RDH13: variants seen among roughly 807,000 people sequenced by gnomAD.
RDH13 encodes retinol dehydrogenase 13 (all-trans and 9-cis).
In RDH13, 35 loss-of-function variants were observed where a neutral mutation model predicts 28.3. The observed-to-expected ratio is 1.24, with a 90% CI of 0.95 to 1.64. The LOEUF is 1.64. Among genes scored for constraint, RDH13 ranks in the 40% most tolerant of loss-of-function variants. The pLI, the probability that RDH13 is intolerant of heterozygous loss-of-function variation, is 0.00. For missense variants in RDH13, 514 were observed against 446.3 expected, an observed-to-expected ratio of 1.15 and a Z score of -1.37; for synonymous variants, 229 against 198.5, an observed-to-expected ratio of 1.15 and a Z score of -1.29.
At chr19:55,062,380 T>C (rs2075833434) in intron 1 of RDH13, among the ~76,000 whole-genome samples, 1 of 152,066 alleles carries the variant, frequency 6.6e-6, no homozygotes, top group South Asian at 2.1e-4. Flanking sequence ...GGCTAATTTT[T>C]AAGAAAGTTT....
At chr19:55,066,975 G>T (rs1166701753), upstream of RDH13, among the ~76,000 whole-genome samples, 2 of 152,142 alleles carry the variant, frequency 1.3e-5, no homozygotes, top group Non-Finnish European at 2.9e-5. Flanking sequence ...CTCCACCAAG[G>T]CCTGTGCAGA....
intron 2 of RDH13, among the ~76,000 whole-genome samples, chr19:55,058,403 A>G (rs2075705051): frequency 2.0e-5 from 3 of 151,600 alleles, no homozygotes; most frequent in Admixed American, 2.0e-4. Flanking sequence ...AAAAAAAAAC[A>G]ATAATAATAA....
At position 55,056,659 on chromosome 19, in the gene RDH13, T is replaced by A. The variant is rs369475253; in HGVS notation, c.334A>T (p.Ile112Phe). Residue 112 changes from isoleucine (I) to phenylalanine (F), a missense_variant, in exon 3 of 7, where the codon ATT (isoleucine) becomes TTT (phenylalanine). Ile to Phe is a conservative substitution (Grantham distance 21). Coordinates refer to ENST00000415061, the MANE Select transcript of RDH13 (RefSeq NM_001145971.2). ...ATGGCCAGCGTTCTCCTACCTTCAA[T>A]GATCTTTGCTGCAAACTCTCGGATA... ...KSIREFAAKI[I>F]EEEERVDILI... The A allele has an allele frequency of 6.2e-7, 1 of 1,613,864 alleles. No homozygotes were observed. Among genetic ancestry groups the A allele is most frequent in the East Asian group, 2.2e-5 (1 of 44,864 alleles).
At chr19:55,047,363 A>G (rs577460583) in intron 6 of RDH13, 24 bp downstream of exon 6, 1 of 1,606,580 alleles carries the variant, frequency 6.2e-7, no homozygotes, top group Admixed American at 1.7e-5. Flanking sequence ...CCACGTGGAG[A>G]CCCCAGGCTG....
chr19:55,047,250 C>G (rs1023647085), intron 6 of RDH13, 137 bp downstream of exon 6: 48 of 1,450,890 alleles, frequency 3.3e-5, no homozygotes, highest in Non-Finnish European at 4.1e-5. Context: ...GACCTGTGCT[C>G]TGTGCCTCAG....
Position 55,047,942 on chromosome 19 carries a change from T to C in RDH13, c.658+387A>G, listed in dbSNP as rs2075292439. 6 of 811,444 alleles carry C rather than the reference T, an allele frequency of 7.4e-6. No individual in the cohort carries two copies. In the East Asian group the frequency reaches 2.3e-4, roughly 31 times the overall value. 50.3% of individuals were successfully genotyped at this position (811,444 alleles called of 1,614,324 possible). ...AGGACATTGAGAGCATCTGGGCCTT[T>C]ACCCTCCAGATGCCCAGAGCAATCT... On this transcript the variant is annotated intron_variant, in intron 5 of 6. Transcript: ENST00000415061.
chr19:55,059,603 G>C (rs1364098847), intron 1 of RDH13, among the ~76,000 whole-genome samples: 1 of 151,528 alleles, frequency 6.6e-6, no homozygotes, highest in Non-Finnish European at 1.5e-5. Context: ...GGGCGGGGGC[G>C]GATCACTTGA....
chr19:55,041,558 TTC>T (rs2075030641), downstream of RDH13: 21 of 152,378 alleles, frequency 1.4e-4, no homozygotes, highest in African/African-American at 4.6e-4. Context: ...TCTTAGGGCC[TTC>T]TCTCTTATGG....
upstream of RDH13, among the ~76,000 whole-genome samples, chr19:55,065,188 C>T (rs189321978): frequency 2.6e-5 from 4 of 151,018 alleles, no homozygotes; most frequent in South Asian, 4.2e-4. Flanking sequence ...AGTTTGAGAG[C>T]GGCCTGGACA....
upstream of RDH13, among the ~76,000 whole-genome samples, chr19:55,065,575 AAAT>A (rs2075945800): frequency 6.6e-6 from 1 of 151,620 alleles, no homozygotes; most frequent in Admixed American, 6.7e-5. Context: ...GCCAGATAGT[AAAT>A]AATTTCAGCT....
intron 2 of RDH13, among the ~76,000 whole-genome samples, chr19:55,057,815 T>TA (rs199686312): frequency 0.037 from 4,696 of 125,726 alleles, 83 homozygotes; most frequent in South Asian, 0.05. Context: ...TTATTATTAT[T>TA]TTTTTTTTTT....
downstream of RDH13, chr19:55,043,075 A>G (rs1157518541): frequency 6.6e-6 from 1 of 152,266 alleles, no homozygotes; most frequent in East Asian, 1.9e-4. Flanking sequence ...GGTCATCCCA[A>G]ACACACCCTC....
At position 55,048,729 on chromosome 19, in the gene RDH13, C is replaced by T. The variant is rs776669232; in HGVS notation, c.375G>A (p.Ala125=). 12 of 1,613,956 alleles carry T rather than the reference C, an allele frequency of 7.4e-6. No homozygotes were observed. Among genetic ancestry groups the T allele is most frequent in the South Asian group, 5.5e-5 (5 of 91,060 alleles). Residue 125 remains alanine (A), a synonymous_variant, in exon 4 of 7, where the codon GCG becomes GCA. Coordinates refer to ENST00000415061, the MANE Select transcript of RDH13 (RefSeq NM_001145971.2). ...TCCAGTGGGGGCACCGCATCACACC[C>T]GCGTTGTTGATTAGAATGTCCACTC... ...EERVDILINN[A]GVMRCPHWTT...
intron 2 of RDH13, among the ~76,000 whole-genome samples, chr19:55,057,860 G>A (rs546534056): frequency 6.7e-6 from 1 of 148,258 alleles, no homozygotes; most frequent in African/African-American, 2.5e-5. Flanking sequence ...CGGCTGGAGT[G>A]CTGGCGCCAT....
intron 3 of RDH13, among the ~76,000 whole-genome samples, chr19:55,048,972 C>G (rs1229238914): frequency 1.3e-5 from 2 of 152,074 alleles, no homozygotes; most frequent in Non-Finnish European, 2.9e-5. Context: ...AAAACAGAGA[C>G]AGAGACACAT....
upstream of RDH13, among the ~76,000 whole-genome samples, chr19:55,065,993 C>A (rs921173708): frequency 1.6e-4 from 24 of 152,212 alleles, no homozygotes; most frequent in African/African-American, 5.5e-4. Context: ...GCTGGGATTA[C>A]AAAGCGTGAG....
intron 2 of RDH13, among the ~76,000 whole-genome samples, chr19:55,057,294 A>C (rs1255345107): frequency 6.6e-6 from 1 of 152,150 alleles, no homozygotes; most frequent in Non-Finnish European, 1.5e-5. Flanking sequence ...CTAGGGTAAC[A>C]GATGTTCTAA....
intron 5 of RDH13, chr19:55,047,926 A>C (rs1025393818): frequency 3.1e-6 from 2 of 642,956 alleles, no homozygotes; most frequent in African/African-American, 1.8e-5. Context: ...TAGGACATTG[A>C]GAGCATCTGG....
chr19:55,061,902 T>C (rs1337723484), intron 1 of RDH13, among the ~76,000 whole-genome samples: 1 of 151,880 alleles, frequency 6.6e-6, no homozygotes, highest in Non-Finnish European at 1.5e-5. Context: ...CAGATCCCCT[T>C]TGGTCGGGAG....
Sources: gnomAD v4.1 joint callset for allele counts (sites outside exome capture counted in the v4.1 genomes callset) on GRCh38, gnomAD v4.1.1 for gene constraint, MANE v1.5 for transcripts, NCBI Gene and HGNC (gene_info 2026-07-23, HGNC 2026-07-21) for gene names.